Variants in DYSF observed in about 807,000 individuals in gnomAD.
The protein encoded by DYSF is dysferlin, also known as dystrophy-associated fer-1-like 1.
DYSF carries 212 observed loss-of-function variants against 274.9 expected under a neutral mutation model. The observed-to-expected ratio is 0.77, with a 90% CI of 0.69 to 0.86. The LOEUF is 0.86. Among genes scored for constraint, DYSF ranks in the 40% least tolerant of loss-of-function variants. The probability of loss-of-function intolerance (pLI) is 0.00; values close to 1 mark genes in which losing one functional copy is unlikely to be tolerated. For missense variants in DYSF, 2,666 were observed against 2,783.2 expected (o/e 0.96, Z 0.95); for synonymous variants, 1,091 against 1,078.7 (o/e 1.01, Z -0.22).
intron 39 of DYSF, 131 bp from the exon 40 acceptor site, chr2:71,613,203 G>T: frequency 1.3e-6 from 1 of 787,964 alleles, no homozygotes; most frequent in East Asian, 2.7e-5. Context: ...TAGGAAGAGA[G>T]AGATACCGAC....
Position 71,561,649 on chromosome 2 carries a change from C to T in DYSF, c.2217-103C>T, listed in dbSNP as rs115616395. The T allele has an allele frequency of 0.043, 60,647 of 1,400,190 alleles. 1,986 individuals carry two copies. Among genetic ancestry groups the T allele is most frequent in the African/African-American group, 0.16 (11,655 of 70,638 alleles). The allele number at this position is 1,400,190 out of a possible 1,614,324, so 86.7% of individuals were successfully genotyped here. A position where few individuals can be genotyped will look rare whatever the true frequency, so the allele number is the denominator to read the frequency against. On this transcript the variant is annotated intron_variant, in intron 22 of 55. Coordinates refer to ENST00000410020, the MANE Select transcript of DYSF (RefSeq NM_001130987.2). ...CTGGAGAAGGCACCCAGCAGGCAGG[C>T]GGAGGGGGTGGGGCCTGCTGTGAGA...
chr2:71,660,976 G>A (rs372255291), intron 45 of DYSF, among the ~76,000 whole-genome samples: 2 of 151,878 alleles, frequency 1.3e-5, no homozygotes, highest in Non-Finnish European at 2.9e-5. Context: ...ACTTAGCCAG[G>A]CATGGTAGTG....
At chr2:71,586,642 CT>C (rs2093076435) in intron 30 of DYSF, among the ~76,000 whole-genome samples, 1 of 152,126 alleles carries the variant, frequency 6.6e-6, no homozygotes, top group Non-Finnish European at 1.5e-5. Context: ...CCAGAACGTG[CT>C]GCCAGAACCT....
At chr2:71,543,345 C>T (rs1471664089) in intron 17 of DYSF, among the ~76,000 whole-genome samples, 5 of 151,324 alleles carry the variant, frequency 3.3e-5, no homozygotes, top group African/African-American at 7.3e-5. Context: ...GAGGGGATGG[C>T]GGCCGGGAAG....
chr2:71,540,634 G>A (rs114932817), intron 17 of DYSF, among the ~76,000 whole-genome samples: 3,308 of 151,090 alleles, frequency 0.022, 54 homozygotes, highest in African/African-American at 0.049. Flanking sequence ...GAAGTTGACC[G>A]ATTTCAATTT....
In DYSF at chr2:71,543,261, C is replaced by T. The variant is rs1339163724; in HGVS notation, c.1576+4022C>T. Among the ~76,000 whole-genome samples the T allele has an allele frequency of 6.8e-5, 7 of 102,770 alleles. No individual in the cohort carries two copies. In the East Asian group the frequency reaches 6.9e-4, roughly 10 times the overall value. The allele number at this position is 102,770 out of a possible 152,430, so 67.4% of individuals were successfully genotyped here. On this transcript the variant is annotated intron_variant, in intron 17 of 55. Coordinates refer to ENST00000410020, the MANE Select transcript of DYSF (RefSeq NM_001130987.2). ...GCAGAGGCGCTCCTCACATCCCAGA[C>T]GGGGCGGCAGGGCAGAGGCACTCCC...
chr2:71,526,450 G>A, intron 13 of DYSF, 104 bp downstream of exon 13: 1 of 1,478,316 alleles, frequency 6.8e-7, no homozygotes. Flanking sequence ...GGGGGAAGGA[G>A]AGGCGTCTAG....
chr2:71,665,231 T>C lies in DYSF; in HGVS notation c.5244T>C (p.His1748=). The change falls in exon 47 of 56, where the codon CAT becomes CAC. Residue 1748 remains histidine, a synonymous_variant. Coordinates refer to ENST00000410020, the MANE Select transcript of DYSF (RefSeq NM_001130987.2). ...SQLLHLFCQQ[H]RVKAPVYRTD... ...TCCTCCACCTCTTCTGCCAGCAGCA[T>C]AGAGTCAAGGCACCTGTGTACCGGA... 1 of 1,614,114 alleles carries C rather than the reference T, an allele frequency of 6.2e-7. No homozygotes were observed. Among genetic ancestry groups the C allele is most frequent in the Non-Finnish European group, 8.5e-7 (1 of 1,180,018 alleles).
intron 12 of DYSF, among the ~76,000 whole-genome samples, chr2:71,521,607 CTGAATATGGCTGA>C (rs1403631637): frequency 6.6e-6 from 1 of 152,070 alleles, no homozygotes; most frequent in Non-Finnish European, 1.5e-5. Flanking sequence ...GGTGAGGTAC[CTGAATATGGCTGA>C]TGGCTTTGTG....
At chr2:71,599,028 T>TC (rs1248732025) in intron 33 of DYSF, among the ~76,000 whole-genome samples, 2 of 152,196 alleles carry the variant, frequency 1.3e-5, no homozygotes, top group African/African-American at 4.8e-5. Flanking sequence ...GCCTGTGTGA[T>TC]CCCAGGCCAG....
At chr2:71,462,285 C>A (rs2081315617), upstream of DYSF, among the ~76,000 whole-genome samples, 1 of 152,170 alleles carries the variant, frequency 6.6e-6, no homozygotes, top group Admixed American at 6.5e-5. Flanking sequence ...CAGGCACTGG[C>A]TCTGTGCCAG....
intron 42 of DYSF, among the ~76,000 whole-genome samples, chr2:71,646,172 G>C (rs2094565084): frequency 6.6e-6 from 1 of 152,224 alleles, no homozygotes; most frequent in Non-Finnish European, 1.5e-5. Flanking sequence ...AGTTGGGTGT[G>C]TGAGGTTGGG....
At chr2:71,653,243 T>A (rs964171131) in intron 42 of DYSF, among the ~76,000 whole-genome samples, 1 of 152,162 alleles carries the variant, frequency 6.6e-6, no homozygotes, top group African/African-American at 2.4e-5. Context: ...ATTGTGGAAG[T>A]CAGTGTGGTG....
At chr2:71,582,305 T>C (rs555461719) in intron 30 of DYSF, among the ~76,000 whole-genome samples, 1 of 152,132 alleles carries the variant, frequency 6.6e-6, no homozygotes, top group Non-Finnish European at 1.5e-5. Flanking sequence ...TTCTAGGGCA[T>C]GTACCGTGGG....
chr2:71,618,040 GTGT>G (rs2093951601), intron 40 of DYSF, among the ~76,000 whole-genome samples: 2 of 26,258 alleles, frequency 7.6e-5, no homozygotes, highest in Admixed American at 8.2e-4. Flanking sequence ...GGTAGAGATG[GTGT>G]GTGTGTGTGT....
In DYSF at chr2:71,520,895, C is replaced by T. The variant is rs373744398; in HGVS notation, c.1140C>T (p.Asp380=). 6.6e-5 allele frequency: 107 copies of T among 1,613,942 alleles called. No homozygotes were observed. Among genetic ancestry groups the T allele is most frequent in the African/African-American group, 3.2e-4 (24 of 74,924 alleles). Residue 380 remains aspartate, a synonymous_variant, in exon 12 of 56, where the codon GAC becomes GAT. Transcript: ENST00000410020. The part of the protein sequence containing the change: ...KTSLCVLGPG[D]EAPLERKDPS... ...GCCTTTGTGTGCTGGGGCCTGGGGA[C>T]GAAGCGCCTGTGAGTACATTTCCCT... is the stretch of plus-strand genomic sequence containing the variant.
intron 40 of DYSF, among the ~76,000 whole-genome samples, 186 bp downstream of exon 40, chr2:71,613,596 T>C (rs1327717301): frequency 6.6e-6 from 1 of 151,238 alleles, no homozygotes; most frequent in Non-Finnish European, 1.5e-5. Context: ...CTGAGGGGGG[T>C]GGGGTGTGCT....
intron 40 of DYSF, among the ~76,000 whole-genome samples, chr2:71,619,066 A>T (rs1486245789): frequency 6.6e-6 from 1 of 152,016 alleles, no homozygotes; most frequent in African/African-American, 2.4e-5. Context: ...CTGAAGCTGG[A>T]CCAGATCTTT....
intron 26 of DYSF, 143 bp downstream of exon 26, chr2:71,568,481 C>A: frequency 8.8e-7 from 1 of 1,137,138 alleles, no homozygotes; most frequent in Non-Finnish European, 1.3e-6. Context: ...CTGAACTCTC[C>A]CAGGACTGAG....
Sources: gnomAD v4.1 joint callset for allele counts (sites outside exome capture counted in the v4.1 genomes callset) on GRCh38, gnomAD v4.1.1 for gene constraint, MANE v1.5 for transcripts, NCBI Gene and HGNC (gene_info 2026-07-23, HGNC 2026-07-21) for gene names.